The following EVC2 variants were observed in gnomAD, a reference collection of about 807,000 sequenced individuals.
EVC2 encodes limbin.
In EVC2, 148 loss-of-function variants were observed where a neutral mutation model predicts 149.3. That is an observed-to-expected ratio of 0.99 (90% confidence interval 0.87 to 1.14). The LOEUF is 1.14. Ranked by LOEUF, EVC2 falls within the 50% of genes most tolerant of loss-of-function variation. The pLI is 0.00. For missense variants in EVC2, 1,854 were observed against 1,627.3 expected (o/e 1.14, Z -2.40); for synonymous variants, 776 against 649.9 (o/e 1.19, Z -2.95).
chr4:5,541,026 A>C (rs1382094590), downstream of EVC2, among the ~76,000 whole-genome samples: 1 of 152,102 alleles, frequency 6.6e-6, no homozygotes, highest in East Asian at 1.9e-4. Flanking sequence ...CATCCATGCT[A>C]ATGAATTTTT....
At chr4:5,554,053 G>A (rs911043335) in intron 21 of EVC2, among the ~76,000 whole-genome samples, 3 of 152,184 alleles carry the variant, frequency 2.0e-5, no homozygotes, top group African/African-American at 7.2e-5. Flanking sequence ...ACATGACAGT[G>A]AGAGAAACGG....
In EVC2 at chr4:5,622,914, G is replaced by C. The variant is rs924514803; in HGVS notation, c.2124C>G (p.His708Gln). 2 of 1,614,042 alleles carry C rather than the reference G, an allele frequency of 1.2e-6. No individual in the cohort carries two copies. Among genetic ancestry groups the C allele is most frequent in the Admixed American group, 3.3e-5 (2 of 60,008 alleles). The change falls in exon 14 of 22, where the codon CAC becomes CAG. Residue 708 changes from histidine (H) to glutamine (Q), a missense_variant. Transcript: ENST00000344408. This position sits in a 1 kb window ranked among gnomAD's most constrained non-coding sequence, Gnocchi z 5.8. ...GCTCCTCCATCAGGCTCCTCTTCTG[G>C]TGCAGGTACTGGCCGGCATCCTCAA... Reference protein sequence around the residue: ...RTVEDAGQYLHQKRSLMEEHG... With the variant: ...RTVEDAGQYLQQKRSLMEEHG...
intron 19 of EVC2, among the ~76,000 whole-genome samples, chr4:5,570,961 A>T (rs1722607327): frequency 6.6e-6 from 1 of 152,112 alleles, no homozygotes; most frequent in Non-Finnish European, 1.5e-5. Context: ...GCAAAGGCAT[A>T]AGAATGATAA....
chr4:5,660,509 A>G (rs1022970783), intron 9 of EVC2, among the ~76,000 whole-genome samples: 1 of 152,138 alleles, frequency 6.6e-6, no homozygotes, highest in African/African-American at 2.4e-5. Context: ...CACTTCCTGG[A>G]CCCAGGGAGA....
chr4:5,603,735 T>C (rs981491413), intron 16 of EVC2, among the ~76,000 whole-genome samples: 2 of 152,192 alleles, frequency 1.3e-5, no homozygotes, highest in Non-Finnish European at 2.9e-5. Context: ...GGTGAAGAGA[T>C]ACATGGTAGA....
In EVC2 at chr4:5,631,734, C is replaced by G; in HGVS notation, c.1710+59G>C. 1.9e-6 allele frequency: 3 copies of G among 1,604,278 alleles called. No individual in the cohort carries two copies. The South Asian group carries it at 3.3e-5, about 18-fold the overall frequency. On this transcript the variant is annotated intron_variant, in intron 11 of 21. Transcript: ENST00000344408. Reference sequence around the variant, plus strand: ...CAGGACTGAACTCTGAGAGAGGAGACATTTACTGAAACAATTCAGAAAAAT... The same window carrying G: ...CAGGACTGAACTCTGAGAGAGGAGAGATTTACTGAAACAATTCAGAAAAAT...
At chr4:5,688,556 C>T (rs6855056) in intron 5 of EVC2, among the ~76,000 whole-genome samples, 95,695 of 152,016 alleles carry the variant, frequency 0.63, 30,801 homozygotes, top group Non-Finnish European at 0.67. Flanking sequence ...CAGAATTGGT[C>T]TTAAACCTGC....
At chr4:5,611,314 T>C (rs2108822933) in intron 16 of EVC2, among the ~76,000 whole-genome samples, 1 of 152,248 alleles carries the variant, frequency 6.6e-6, no homozygotes, top group African/African-American at 2.4e-5. Context: ...GTGATGAGTA[T>C]GGAGATTCAC....
At chr4:5,634,867 G>A (rs1436613079) in intron 10 of EVC2, among the ~76,000 whole-genome samples, 1 of 152,076 alleles carries the variant, frequency 6.6e-6, no homozygotes, top group African/African-American at 2.4e-5. Context: ...ATGGGGCAAA[G>A]TGCAAAGAGC....
At chr4:5,608,946 T>C (rs1168530005) in intron 16 of EVC2, among the ~76,000 whole-genome samples, 3 of 152,136 alleles carry the variant, frequency 2.0e-5, no homozygotes, top group Non-Finnish European at 4.4e-5. Flanking sequence ...AAAGGGTGAA[T>C]TCTCTTTCTC....
At chr4:5,556,852 G>C (rs551957448) in intron 21 of EVC2, among the ~76,000 whole-genome samples, 1 of 152,140 alleles carries the variant, frequency 6.6e-6, no homozygotes, top group South Asian at 2.1e-4. Flanking sequence ...TGAATCCCTT[G>C]AAAGACAAAC....
At chr4:5,705,207 T>C (rs1454938345) in intron 1 of EVC2, among the ~76,000 whole-genome samples, 1 of 152,168 alleles carries the variant, frequency 6.6e-6, no homozygotes. Context: ...AATAACGAAA[T>C]GATACTATTA....
intron 16 of EVC2, among the ~76,000 whole-genome samples, chr4:5,609,361 G>C (rs1312861854): frequency 1.3e-5 from 2 of 152,138 alleles, no homozygotes; most frequent in Non-Finnish European, 2.9e-5. Flanking sequence ...TAAAACATCT[G>C]AACAACCGCC....
chr4:5,686,808 G>A lies in EVC2; in HGVS notation c.707-1329C>T, dbSNP rs1274426537. ...TGGGGAAAAAAAAAAAAAGTCACCTGTGCCCCAAGGTGAAAATCAATGTCA... is the reference window on the plus strand; with the variant it reads ...TGGGGAAAAAAAAAAAAAGTCACCTATGCCCCAAGGTGAAAATCAATGTCA... On this transcript the variant is annotated intron_variant, in intron 5 of 21. Coordinates refer to ENST00000344408, the MANE Select transcript of EVC2 (RefSeq NM_147127.5). This position sits in a 1 kb window ranked among gnomAD's most constrained non-coding sequence, Gnocchi z 5.4. 1.3e-5 allele frequency among the ~76,000 whole-genome samples: 2 copies of A among 151,784 alleles called. No homozygotes were observed. The highest frequency in any genetic ancestry group is 6.6e-5 in the Admixed American group (1 of 15,244).
intron 19 of EVC2, among the ~76,000 whole-genome samples, chr4:5,568,987 G>A (rs1722483910): frequency 6.6e-6 from 1 of 152,186 alleles, no homozygotes; most frequent in African/African-American, 2.4e-5. Flanking sequence ...TAGGCACCAG[G>A]CGAGCAGTGC....
rs1409107720 is a variant in EVC2 at position 5,679,627 on chromosome 4, T to C, written c.870+1633A>G. Reference sequence around the variant, plus strand: ...CTGTAATTTTTTATTTTTTATTTTATTTTATTTTACTTTAAGTTCTGGGAT... The same window carrying C: ...CTGTAATTTTTTATTTTTTATTTTACTTTATTTTACTTTAAGTTCTGGGAT... On this transcript the variant is annotated intron_variant, in intron 7 of 21. Coordinates refer to ENST00000344408, the MANE Select transcript of EVC2 (RefSeq NM_147127.5). The surrounding 1 kb of genome is among the most constrained non-coding windows in gnomAD (Gnocchi z 5.1). 1.3e-5 allele frequency among the ~76,000 whole-genome samples: 2 copies of C among 152,166 alleles called. No homozygotes were observed. The highest frequency in any genetic ancestry group is 4.8e-5 in the African/African-American group (2 of 41,444).
At chr4:5,540,231 G>A (rs1481225495), downstream of EVC2, among the ~76,000 whole-genome samples, 1 of 152,218 alleles carries the variant, frequency 6.6e-6, no homozygotes, top group African/African-American at 2.4e-5. Flanking sequence ...TCCATGGCTA[G>A]TGGACTGTAA....
chr4:5,619,921 C>T (rs1409151469), intron 14 of EVC2, among the ~76,000 whole-genome samples: 5 of 152,226 alleles, frequency 3.3e-5, no homozygotes, highest in Admixed American at 6.5e-5. Context: ...CAGCATTGAC[C>T]GATGCTTTAA....
intron 16 of EVC2, among the ~76,000 whole-genome samples, chr4:5,590,961 A>T (rs1405653951): frequency 1.3e-5 from 2 of 152,118 alleles, no homozygotes; most frequent in Admixed American, 1.3e-4. Flanking sequence ...AAACCATCAG[A>T]TCTCATGAGA....
Sources: gnomAD v4.1 joint callset for allele counts (sites outside exome capture counted in the v4.1 genomes callset) on GRCh38, gnomAD v4.1.1 for gene constraint, Gnocchi (gnomAD v3.1) non-coding constraint, MANE v1.5 for transcripts, NCBI Gene and HGNC (gene_info 2026-07-23, HGNC 2026-07-21) for gene names.